NIPA1: variants seen among roughly 807,000 people sequenced by gnomAD.
NIPA1 encodes the protein magnesium transporter NIPA1.
A neutral mutation model predicts 23.9 loss-of-function variants in NIPA1; 13 were observed. The observed-to-expected ratio is 0.54, with a 90% CI of 0.35 to 0.87. The LOEUF is 0.87. Ranked by LOEUF, NIPA1 falls within the 40% of genes least tolerant of loss-of-function variation. The pLI is 0.01. For missense variants in NIPA1, 362 were observed against 429.7 expected (o/e 0.84, Z 1.39); for synonymous variants, 234 against 202.9 (o/e 1.15, Z -1.30).
At chr15:22,797,280 G>T (rs1327281081) in intron 1 of NIPA1, among the ~76,000 whole-genome samples, 3 of 151,674 alleles carry the variant, frequency 2.0e-5, no homozygotes, top group Non-Finnish European at 4.4e-5. Context: ...TGTGATCTCT[G>T]CTCACTGCAA....
intron 1 of NIPA1, among the ~76,000 whole-genome samples, chr15:22,800,943 A>T (rs1404640746): frequency 1.5e-5 from 1 of 67,752 alleles, no homozygotes; most frequent in African/African-American, 1.0e-4. Flanking sequence ...AAAAAAAAAA[A>T]GAAAAAAAAA....
chr15:22,805,985 G>A (rs1319322377), intron 1 of NIPA1, among the ~76,000 whole-genome samples: 8 of 151,902 alleles, frequency 5.3e-5, no homozygotes, highest in South Asian at 2.1e-4. Flanking sequence ...GTGCAGTGGC[G>A]CGATCTCGGC....
intron 3 of NIPA1, chr15:22,813,510 G>T (rs567448893): frequency 1.3e-5 from 5 of 396,182 alleles, no homozygotes; most frequent in Non-Finnish European, 2.5e-5. Flanking sequence ...ATATATCCTC[G>T]TGTGAACCTA....
Position 22,824,501 on chromosome 15 carries a change from G to A in NIPA1, c.*262G>A. On this transcript the variant is annotated 3_prime_UTR_variant, in exon 5 of 5. Coordinates refer to ENST00000337435, the MANE Select transcript of NIPA1 (RefSeq NM_144599.5). The surrounding 1 kb of genome is among the most constrained non-coding windows in gnomAD (Gnocchi z 4.1). ...ATCTCATTTTCATTTCCATTAACCT[G>A]GAAGCTTTCATGAATATTCTCTTCT... 1 of 469,642 alleles carries A rather than the reference G, an allele frequency of 2.1e-6. No individual in the cohort carries two copies. Among genetic ancestry groups the A allele is most frequent in the South Asian group, 2.8e-5 (1 of 36,298 alleles). The allele number at this position is 469,642 out of a possible 1,614,324, so 29.1% of individuals were successfully genotyped here.
At chr15:22,794,150 A>G (rs543924303) in intron 1 of NIPA1, among the ~76,000 whole-genome samples, 45 of 152,190 alleles carry the variant, frequency 3.0e-4, no homozygotes, top group African/African-American at 8.2e-4. Context: ...ATTATCTGCA[A>G]CAACCTAGCA....
rs1181155482 is a variant in NIPA1, at chr15:22,823,954, C to T, written c.705C>T (p.Ala235=). 5.6e-6 allele frequency: 9 copies of T among 1,614,172 alleles called. No homozygotes were observed. The highest frequency in any genetic ancestry group is 1.1e-5 in the South Asian group (1 of 91,084). Residue 235 remains alanine, a synonymous_variant, in exon 5 of 5, where the codon GCC becomes GCT. Transcript: ENST00000337435. The part of the protein sequence containing the change: ...RALCLCLVLL[A]VLGCSIIVQF... ...TCTGCCTGTGCCTGGTACTCCTGGCCGTGCTCGGCTGCAGCATCATCGTCC... is the reference window on the plus strand; with the variant it reads ...TCTGCCTGTGCCTGGTACTCCTGGCTGTGCTCGGCTGCAGCATCATCGTCC...
Position 22,820,355 on chromosome 15 carries a change from C to T in NIPA1, c.360C>T (p.Ile120=), listed in dbSNP as rs900557227. 6.8e-6 allele frequency: 11 copies of T among 1,612,632 alleles called. No homozygotes were observed. The East Asian group carries it at 2.5e-4, about 36-fold the overall frequency. The change falls in exon 4 of 5, where the codon ATC becomes ATT. Residue 120 remains isoleucine (I), a synonymous_variant. Transcript: ENST00000337435. The part of the protein sequence containing the change: ...ASYLLKEKLN[I]LGKLGCLLSC... ...ATCTCCTGAAGGAAAAGCTCAACAT[C>T]TTGGGCAAGTTGGGGTGCCTGCTAA...
chr15:22,805,685 CAAAAAGAAAAAG>C (rs544508873), intron 1 of NIPA1, among the ~76,000 whole-genome samples: 1 of 151,676 alleles, frequency 6.6e-6, no homozygotes, highest in Non-Finnish European at 1.5e-5. Context: ...GACTCTGTCT[CAAAAAGAAAAAG>C]AAAAAGAAAA....
chr15:22,798,859 A>AAAC (rs1895002510), intron 1 of NIPA1, among the ~76,000 whole-genome samples: 4 of 150,926 alleles, frequency 2.7e-5, no homozygotes, highest in African/African-American at 9.8e-5. Context: ...AAAAAAAAAA[A>AAAC]AAACCTCTTT....
rs1045487020 is a variant in NIPA1, at chr15:22,825,516, A to C, written c.*1277A>C. On this transcript the variant is annotated 3_prime_UTR_variant, in exon 5 of 5. Coordinates refer to ENST00000337435, the MANE Select transcript of NIPA1 (RefSeq NM_144599.5). ...ATTCGATCTGTGTTACCTGGGATCCAGTATCAAATATATCCACATTCTTTA... is the reference window on the plus strand; with the variant it reads ...ATTCGATCTGTGTTACCTGGGATCCCGTATCAAATATATCCACATTCTTTA... 2 of 152,232 alleles carry C rather than the reference A, an allele frequency of 1.3e-5. No homozygotes were observed. The highest frequency in any genetic ancestry group is 2.4e-5 in the African/African-American group (1 of 41,448). The allele number at this position is 152,232 out of a possible 1,614,324, so 9.4% of individuals were successfully genotyped here.
At chr15:22,812,462 G>A (rs538064176) in intron 3 of NIPA1, among the ~76,000 whole-genome samples, 1 of 152,226 alleles carries the variant, frequency 6.6e-6, no homozygotes, top group East Asian at 1.9e-4. Context: ...GACCAGCCTG[G>A]CCAACATGGT....
intron 1 of NIPA1, among the ~76,000 whole-genome samples, chr15:22,799,546 G>T (rs577444343): frequency 9.2e-5 from 14 of 152,108 alleles, no homozygotes; most frequent in East Asian, 7.7e-4. Context: ...ACTTTGGGAG[G>T]CCAAGGTGGG....
At chr15:22,788,551 C>T (rs952590191) in intron 1 of NIPA1, among the ~76,000 whole-genome samples, 1 of 149,604 alleles carries the variant, frequency 6.7e-6, no homozygotes, top group Non-Finnish European at 1.5e-5. Context: ...CTGTGAAGGT[C>T]ATGGAATCTG....
At chr15:22,789,500 G>A (rs1453188872) in intron 1 of NIPA1, among the ~76,000 whole-genome samples, 3 of 152,122 alleles carry the variant, frequency 2.0e-5, no homozygotes, top group Admixed American at 6.5e-5. Flanking sequence ...GAGACCAGCC[G>A]GCGGGGCAGA....
In NIPA1 at chr15:22,828,653, C is replaced by G. The variant is rs1253367767; in HGVS notation, c.*4414C>G. On this transcript the variant is annotated 3_prime_UTR_variant, in exon 5 of 5. Coordinates refer to ENST00000337435, the MANE Select transcript of NIPA1 (RefSeq NM_144599.5). Reference sequence around the variant, plus strand: ...AGTAAAAAGTTGATATTCAGTAGAACAAGGATCATGTAAATAAACATCTAT... The same window carrying G: ...AGTAAAAAGTTGATATTCAGTAGAAGAAGGATCATGTAAATAAACATCTAT... 1 of 152,552 alleles carries G rather than the reference C, an allele frequency of 6.6e-6. No individual in the cohort carries two copies. The highest frequency in any genetic ancestry group is 1.5e-5 in the Non-Finnish European group (1 of 68,022). The allele number at this position is 152,552 out of a possible 1,614,324, so 9.4% of individuals were successfully genotyped here.
chr15:22,786,997 C>T (rs946442606), intron 1 of NIPA1, among the ~76,000 whole-genome samples, 163 bp downstream of exon 1: 76 of 151,766 alleles, frequency 5.0e-4, no homozygotes, highest in African/African-American at 1.8e-3. Context: ...GCGGCGTGCC[C>T]AGGCTGCCGC....
At position 22,824,223 on chromosome 15, in the gene NIPA1, A is replaced by C; in HGVS notation, c.974A>C (p.Asn325Thr). The change falls in exon 5 of 5, where the codon AAT becomes ACT. Residue 325 changes from asparagine to threonine, a missense_variant. Physicochemically the swap from Asn to Thr is moderately conservative, Grantham distance 65 (BLOSUM62 0). Coordinates refer to ENST00000337435, the MANE Select transcript of NIPA1 (RefSeq NM_144599.5). The surrounding 1 kb of genome is among the most constrained non-coding windows in gnomAD (Gnocchi z 4.1). ...NFNLGEMNKS[N>T]MKTD Reference sequence around the variant, plus strand: ...AACCTTGGGGAGATGAACAAATCTAATATGAAAACAGACTAGATTGCAATA... The same window carrying C: ...AACCTTGGGGAGATGAACAAATCTACTATGAAAACAGACTAGATTGCAATA... 6.2e-7 allele frequency: 1 copy of C among 1,613,066 alleles called. No individual in the cohort carries two copies. Among genetic ancestry groups the C allele is most frequent in the Non-Finnish European group, 8.5e-7 (1 of 1,178,954 alleles).
At chr15:22,797,304 G>T (rs1894958797) in intron 1 of NIPA1, among the ~76,000 whole-genome samples, 1 of 152,090 alleles carries the variant, frequency 6.6e-6, no homozygotes, top group African/African-American at 2.4e-5. Flanking sequence ...CTGTCTCCCG[G>T]GTTCACACCA....
chr15:22,821,712 A>G (rs367874135), intron 4 of NIPA1, among the ~76,000 whole-genome samples: 1 of 136,160 alleles, frequency 7.3e-6, no homozygotes, highest in African/African-American at 2.8e-5. Context: ...GTCCACACTC[A>G]CTGGTTTTCT....
Sources: gnomAD v4.1 joint callset for allele counts (sites outside exome capture counted in the v4.1 genomes callset) on GRCh38, gnomAD v4.1.1 for gene constraint, Gnocchi (gnomAD v3.1) non-coding constraint, MANE v1.5 for transcripts, NCBI Gene and HGNC (gene_info 2026-07-23, HGNC 2026-07-21) for gene names.